SHANK2: variants seen among roughly 807,000 people sequenced by gnomAD.
SHANK2 encodes the protein SH3 and multiple ankyrin repeat domains 2, also known as SH3 and multiple ankyrin repeat domains protein 2.
In SHANK2, 43 loss-of-function variants were observed where a neutral mutation model predicts 133.7. The ratio of observed to expected loss-of-function variants is 0.32; its 90% confidence interval spans 0.25 to 0.41. SHANK2 has a LOEUF of 0.41. SHANK2 is among the 10% of genes least tolerant of loss of function. The pLI is 1.00. For missense variants in SHANK2, 1,994 were observed against 2,235.8 expected (o/e 0.89, Z 2.18); for synonymous variants, 1,017 against 952.8 (o/e 1.07, Z -1.24).
intron 8 of SHANK2, among the ~76,000 whole-genome samples, chr11:71,092,119 C>T (rs534246607): frequency 3.9e-5 from 6 of 152,330 alleles, no homozygotes; most frequent in Admixed American, 2.0e-4. Flanking sequence ...GGGAAGGGGG[C>T]GTCCACCCCA....
rs146166041 is a variant in SHANK2 at position 70,690,015 on chromosome 11, C to T, written c.1853+8673G>A. Among the ~76,000 whole-genome samples the T allele has an allele frequency of 6.8e-3, 1,031 of 152,226 alleles. 3 individuals are homozygous for T. Among genetic ancestry groups the T allele is most frequent in the Middle Eastern group, 0.017 (5 of 294 alleles). On this transcript the variant is annotated intron_variant, in intron 15 of 25. Coordinates refer to ENST00000601538, the MANE Select transcript of SHANK2 (RefSeq NM_012309.5). ...AATTTCCAGACAGGGAGGTTACATTCCAGATACCTTTTGTTGAAGTGGAGG... is the reference window on the plus strand; with the variant it reads ...AATTTCCAGACAGGGAGGTTACATTTCAGATACCTTTTGTTGAAGTGGAGG...
intron 17 of SHANK2, among the ~76,000 whole-genome samples, chr11:70,599,430 AC>A (rs566682212): frequency 0.047 from 5,964 of 125,830 alleles, 186 homozygotes; most frequent in East Asian, 0.093. Context: ...ACACGGTGAA[AC>A]CCCGTCTCTA....
chr11:70,517,120 T>C (rs1336126366), intron 17 of SHANK2, among the ~76,000 whole-genome samples: 1 of 152,016 alleles, frequency 6.6e-6, no homozygotes, highest in Non-Finnish European at 1.5e-5. Flanking sequence ...AGATGGCAAA[T>C]AAATGCTCCA....
intron 14 of SHANK2, among the ~76,000 whole-genome samples, chr11:70,744,165 A>G (rs512041): frequency 0.54 from 82,700 of 152,170 alleles, 22,755 homozygotes; most frequent in African/African-American, 0.62. Flanking sequence ...AGGGCCCCAG[A>G]GCCACATTCA....
chr11:70,646,825 TTTATTTTATTTA>T lies in SHANK2; in HGVS notation c.2061+12991_2061+13002del, dbSNP rs1423680114. Among the ~76,000 whole-genome samples the T allele has an allele frequency of 1.3e-3, 90 of 69,126 alleles. 1 individual carries two copies. Among genetic ancestry groups the T allele is most frequent in the African/African-American group, 6.3e-3 (89 of 14,022 alleles). 45.3% of individuals were successfully genotyped at this position (69,126 alleles called of 152,430 possible). A position where few individuals can be genotyped will look rare whatever the true frequency, so the allele number is the denominator to read the frequency against. On this transcript the variant is annotated intron_variant, in intron 17 of 25. Coordinates refer to ENST00000601538, the MANE Select transcript of SHANK2 (RefSeq NM_012309.5). ...GTTATTAAAAGGAATCTAACTTTTA[TTTATTTTATTTA>T]TTTATTTATTTATTTATTTATTTAT...
chr11:70,509,702 G>C (rs1346944678), intron 17 of SHANK2, among the ~76,000 whole-genome samples: 1 of 152,222 alleles, frequency 6.6e-6, no homozygotes, highest in Non-Finnish European at 1.5e-5. Flanking sequence ...AGTGTGATGG[G>C]GTTGGGAGGC....
chr11:70,874,674 T>A (rs372127588), intron 11 of SHANK2, among the ~76,000 whole-genome samples: 24 of 114,154 alleles, frequency 2.1e-4, no homozygotes, highest in South Asian at 3.2e-4. Context: ...CTGCATTTAC[T>A]AAAAAAAAAA....
At chr11:70,723,651 T>C (rs963414140) in intron 14 of SHANK2, among the ~76,000 whole-genome samples, 3 of 152,142 alleles carry the variant, frequency 2.0e-5, no homozygotes, top group Non-Finnish European at 1.5e-5. Flanking sequence ...ACTGATTTTA[T>C]GGTAATATTG....
chr11:71,177,641 TAAG>T (rs1368607596), intron 2 of SHANK2, among the ~76,000 whole-genome samples: 10 of 152,068 alleles, frequency 6.6e-5, no homozygotes, highest in African/African-American at 1.9e-4. Flanking sequence ...AAATAAATAG[TAAG>T]ATGACAGATT....
chr11:71,121,425 A>T (rs1952082386), intron 3 of SHANK2, among the ~76,000 whole-genome samples: 1 of 152,228 alleles, frequency 6.6e-6, no homozygotes, highest in East Asian at 1.9e-4. Context: ...ACCCTAATGC[A>T]ATAACTGTGT....
chr11:70,861,630 G>A (rs1273750518), intron 11 of SHANK2, among the ~76,000 whole-genome samples: 10 of 152,094 alleles, frequency 6.6e-5, no homozygotes, highest in African/African-American at 2.4e-4. Context: ...TCCTCTACGA[G>A]CCAGTTAACT....
rs1325371505 is a variant in SHANK2 at position 70,869,800 on chromosome 11, G to A, written c.1174+26701C>T. Reference sequence around the variant, plus strand: ...TGGTGGTGTTGTTGGAAGATGGGATGAGAACTGACACTGTGGTCACTTACT... The same window carrying A: ...TGGTGGTGTTGTTGGAAGATGGGATAAGAACTGACACTGTGGTCACTTACT... On this transcript the variant is annotated intron_variant, in intron 11 of 25. Coordinates refer to ENST00000601538, the MANE Select transcript of SHANK2 (RefSeq NM_012309.5). Among the ~76,000 whole-genome samples the A allele has an allele frequency of 3.3e-5, 5 of 152,218 alleles. No homozygotes were observed. The East Asian group carries it at 5.8e-4, about 18-fold the overall frequency.
chr11:70,781,249 T>C (rs371239648), intron 14 of SHANK2, among the ~76,000 whole-genome samples: 1 of 151,774 alleles, frequency 6.6e-6, no homozygotes, highest in African/African-American at 2.4e-5. Flanking sequence ...CAGTTCACGA[T>C]TGTTCTGGAG....
intron 17 of SHANK2, among the ~76,000 whole-genome samples, chr11:70,613,033 T>C (rs1213216206): frequency 2.0e-5 from 3 of 152,024 alleles, no homozygotes; most frequent in African/African-American, 7.2e-5. Flanking sequence ...TGAACAGAGG[T>C]GCTTGGAAAC....
chr11:70,864,006 G>A, intron 11 of SHANK2: 1 of 385,934 alleles, frequency 2.6e-6, no homozygotes, highest in South Asian at 2.0e-5. Context: ...AACAAAAACT[G>A]GCTCCATGGC....
At chr11:70,820,190 G>A (rs1948486382) in intron 12 of SHANK2, among the ~76,000 whole-genome samples, 174 bp downstream of exon 12, 1 of 152,218 alleles carries the variant, frequency 6.6e-6, no homozygotes, top group Admixed American at 6.5e-5. Flanking sequence ...AGCCCCCCAA[G>A]GGGAGACCGT....
intron 14 of SHANK2, among the ~76,000 whole-genome samples, chr11:70,788,777 G>A (rs1191124224): frequency 2.0e-5 from 3 of 152,176 alleles, no homozygotes; most frequent in African/African-American, 2.4e-5. Flanking sequence ...CTGAAACCCC[G>A]ACGAGGCCAC....
chr11:70,580,590 G>T (rs2060171531), intron 17 of SHANK2, among the ~76,000 whole-genome samples: 1 of 152,226 alleles, frequency 6.6e-6, no homozygotes, highest in Non-Finnish European at 1.5e-5. Flanking sequence ...ACCCACGGGG[G>T]CTCAAGATGA....
intron 14 of SHANK2, among the ~76,000 whole-genome samples, chr11:70,787,986 T>C (rs1180341603): frequency 6.6e-6 from 1 of 151,920 alleles, no homozygotes; most frequent in African/African-American, 2.4e-5. Context: ...AAATGAGAGG[T>C]GAGAGGATGC....
Sources: gnomAD v4.1 joint callset for allele counts (sites outside exome capture counted in the v4.1 genomes callset) on GRCh38, gnomAD v4.1.1 for gene constraint, MANE v1.5 for transcripts, NCBI Gene and HGNC (gene_info 2026-07-23, HGNC 2026-07-21) for gene names.